NOD1: variants seen among roughly 807,000 people sequenced by gnomAD.
NOD1 encodes nucleotide binding oligomerization domain containing 1.
In NOD1, 70 loss-of-function variants were observed where a neutral mutation model predicts 81.2. That is an observed-to-expected ratio of 0.86 (90% confidence interval 0.71 to 1.05). The LOEUF is 1.05. NOD1 is among the 50% of genes least tolerant of loss of function. The probability of loss-of-function intolerance (pLI) is 0.00; values close to 1 mark genes in which losing one functional copy is unlikely to be tolerated. For missense variants in NOD1, 1,233 were observed against 1,228.0 expected, an observed-to-expected ratio of 1.00 and a Z score of -0.06; for synonymous variants, 508 against 526.9, an observed-to-expected ratio of 0.96 and a Z score of 0.49.
intron 1 of NOD1, among the ~76,000 whole-genome samples, chr7:30,477,626 T>G (rs908143575): frequency 1.3e-5 from 2 of 152,088 alleles, no homozygotes; most frequent in Non-Finnish European, 2.9e-5. Flanking sequence ...GCAATTCTCC[T>G]GCTTCAGCCT....
chr7:30,454,254 C>T (rs1413558858), intron 5 of NOD1, among the ~76,000 whole-genome samples: 1 of 152,214 alleles, frequency 6.6e-6, no homozygotes, highest in African/African-American at 2.4e-5. Flanking sequence ...GGTATGTTAC[C>T]AACAGCTGTC....
At chr7:30,468,126 C>A (rs1468145281) in intron 1 of NOD1, among the ~76,000 whole-genome samples, 2 of 152,164 alleles carry the variant, frequency 1.3e-5, no homozygotes, top group African/African-American at 4.8e-5. Context: ...GAGCAAAAGT[C>A]AACAATACTG....
In NOD1 at chr7:30,452,641, C is replaced by A; in HGVS notation, c.776G>T (p.Cys259Phe). 6.2e-7 allele frequency: 1 copy of A among 1,613,790 alleles called. No individual in the cohort carries two copies. The highest frequency in any genetic ancestry group is 8.5e-7 in the Non-Finnish European group (1 of 1,180,040). Reference protein sequence around the residue: ...CLQDLLFKHYCYPERDPEEVF... With the variant: ...CLQDLLFKHYFYPERDPEEVF... ...CTCCTCGGGGTCCCGCTCTGGGTAG[C>A]AGTAGTGCTTGAAGAGCAGGTCCTG... Residue 259 changes from cysteine to phenylalanine, a missense_variant, in exon 6 of 14, where the codon TGC (cysteine) becomes TTC (phenylalanine). Coordinates refer to ENST00000222823, the MANE Select transcript of NOD1 (RefSeq NM_006092.4).
At chr7:30,439,063 T>C (rs1445524877) in intron 9 of NOD1, among the ~76,000 whole-genome samples, 4 of 152,132 alleles carry the variant, frequency 2.6e-5, no homozygotes, top group Non-Finnish European at 5.9e-5. Flanking sequence ...TTAGGATGGG[T>C]ACTGTCAAAA....
chr7:30,459,603 T>C (rs1174694782), intron 2 of NOD1, among the ~76,000 whole-genome samples: 3 of 152,198 alleles, frequency 2.0e-5, no homozygotes, highest in Non-Finnish European at 2.9e-5. Flanking sequence ...AATACCACAA[T>C]GTTACTGTAT....
At chr7:30,468,316 C>A (rs771045339) in intron 1 of NOD1, among the ~76,000 whole-genome samples, 42 of 152,276 alleles carry the variant, frequency 2.8e-4, no homozygotes, top group Non-Finnish European at 5.4e-4. Context: ...CATTCTGACA[C>A]CGAGTGATGT....
chr7:30,450,206 A>C (rs958309200), intron 6 of NOD1, among the ~76,000 whole-genome samples: 2 of 152,074 alleles, frequency 1.3e-5, no homozygotes, highest in African/African-American at 4.8e-5. Context: ...GGAGAAAAAA[A>C]AAAGATGGAC....
chr7:30,438,790 T>C (rs1044698410), intron 9 of NOD1, among the ~76,000 whole-genome samples: 2 of 152,174 alleles, frequency 1.3e-5, no homozygotes, highest in Non-Finnish European at 2.9e-5. Context: ...ACCCCTACTA[T>C]AGTATAGATA....
intron 13 of NOD1, among the ~76,000 whole-genome samples, chr7:30,429,170 C>G (rs1783723447): frequency 6.6e-6 from 1 of 152,248 alleles, no homozygotes; most frequent in Non-Finnish European, 1.5e-5. Context: ...GGGCTGAATT[C>G]TAGCTTCTCT....
intron 9 of NOD1, among the ~76,000 whole-genome samples, chr7:30,438,568 A>G (rs1344260267): frequency 6.6e-6 from 1 of 152,230 alleles, no homozygotes; most frequent in Non-Finnish European, 1.5e-5. Context: ...TCACAACACA[A>G]TGGCAGCTGC....
At chr7:30,436,442 C>A (rs376412471) in intron 10 of NOD1, among the ~76,000 whole-genome samples, 1 of 152,248 alleles carries the variant, frequency 6.6e-6, no homozygotes, top group Admixed American at 6.5e-5. Flanking sequence ...CAAGACCTGG[C>A]AAAGTCTCTT....
At chr7:30,429,558 G>T in intron 12 of NOD1, 101 bp from the exon 13 acceptor site, 1 of 976,066 alleles carries the variant, frequency 1.0e-6, no homozygotes, top group Non-Finnish European at 1.6e-6. Context: ...GAGACAAGTT[G>T]GTCAGGGGAA....
chr7:30,458,674 A>T (rs1786663818), intron 3 of NOD1, among the ~76,000 whole-genome samples: 2 of 152,180 alleles, frequency 1.3e-5, no homozygotes, highest in Admixed American at 6.5e-5. Context: ...CACCAAAAAA[A>T]TTTAAAGGTA....
At chr7:30,473,272 G>A (rs989636417) in intron 1 of NOD1, among the ~76,000 whole-genome samples, 43 of 152,342 alleles carry the variant, frequency 2.8e-4, no homozygotes, top group African/African-American at 9.1e-4. Flanking sequence ...GGGTAAAGGA[G>A]AGGGAGGATG....
intron 1 of NOD1, among the ~76,000 whole-genome samples, chr7:30,472,049 A>G (rs1788330431): frequency 6.6e-6 from 1 of 152,264 alleles, no homozygotes; most frequent in South Asian, 2.1e-4. Context: ...CAAGGTTTAT[A>G]TAGCTTAAGA....
rs1278228905 is a variant in NOD1, at chr7:30,455,191, C to A, written c.322G>T (p.Gly108Cys). Residue 108 changes from glycine to cysteine, a missense_variant, in exon 5 of 14, where the codon GGC becomes TGC. Physicochemically the swap from Gly to Cys is radical, Grantham distance 159. Coordinates refer to ENST00000222823, the MANE Select transcript of NOD1 (RefSeq NM_006092.4). ...TGAGTGAGCAGGGAAGGGGAGAAGCCGATCTCCAGCAGCCAAGGCCTGAGG... is the reference window on the plus strand; with the variant it reads ...TGAGTGAGCAGGGAAGGGGAGAAGCAGATCTCCAGCAGCCAAGGCCTGAGG... Reference protein sequence around the residue: ...VDLRPWLLEIGFSPSLLTQSK... With the variant: ...VDLRPWLLEICFSPSLLTQSK... 1.2e-6 allele frequency: 2 copies of A among 1,614,124 alleles called. No homozygotes were observed. Among genetic ancestry groups the A allele is most frequent in the South Asian group, 1.1e-5 (1 of 91,078 alleles).
At chr7:30,455,380 G>T in intron 4 of NOD1, 69 bp from the exon 5 acceptor site, 1 of 1,302,666 alleles carries the variant, frequency 7.7e-7, no homozygotes, top group South Asian at 1.3e-5. Flanking sequence ...AGGACCCTCA[G>T]GCAGGCTCAG....
intron 1 of NOD1, among the ~76,000 whole-genome samples, chr7:30,471,126 T>C (rs529951517): frequency 4.7e-5 from 7 of 149,240 alleles, no homozygotes; most frequent in South Asian, 2.1e-4. Context: ...CCATTGAACA[T>C]GTATACAGAG....
chr7:30,460,268 C>T (rs547022731), intron 1 of NOD1: 9 of 985,454 alleles, frequency 9.1e-6, no homozygotes, highest in South Asian at 9.4e-5. Context: ...GAGATCAATT[C>T]GAAGTTCATG....
Sources: gnomAD v4.1 joint callset for allele counts (sites outside exome capture counted in the v4.1 genomes callset) on GRCh38, gnomAD v4.1.1 for gene constraint, MANE v1.5 for transcripts, NCBI Gene and HGNC (gene_info 2026-07-23, HGNC 2026-07-21) for gene names.